Variants in ZNF99 observed in about 807,000 individuals in gnomAD.
The protein encoded by ZNF99 is zinc finger protein ENSP00000375192.
Under a neutral mutation model 12.8 loss-of-function variants are expected in ZNF99, and 8 were observed. The ratio of observed to expected loss-of-function variants is 0.62; its 90% CI spans 0.37 to 1.13. The LOEUF (loss-of-function observed/expected upper bound fraction) is 1.13. Ranked by LOEUF, ZNF99 falls within the 50% of genes most tolerant of loss-of-function variation. ZNF99 has a pLI of 0.02. For synonymous variants in ZNF99, 318 were observed against 319.0 expected (o/e 1.00, Z 0.03); for missense variants, 1,007 against 1,006.2 (o/e 1.00, Z -0.01).
In ZNF99 at chr19:22,753,626, G is replaced by A. The variant is rs1188161822; in HGVS notation, c.*3688C>T. 6.5e-6 allele frequency: 1 copy of A among 153,702 alleles called. No individual in the cohort carries two copies. The highest frequency in any genetic ancestry group is 1.4e-5 in the Non-Finnish European group (1 of 69,090). 9.5% of individuals were successfully genotyped at this position (153,702 alleles called of 1,614,324 possible). ...CTACAACCGTCTTTATATTTGTAAT[G>A]TTTGTCATCAAAAGAAATACTCTTC... On this transcript the variant is annotated 3_prime_UTR_variant, in exon 4 of 4. Transcript: ENST00000596209.
At chr19:22,766,829 T>G (rs527949603) in intron 3 of ZNF99, among the ~76,000 whole-genome samples, 1 of 151,634 alleles carries the variant, frequency 6.6e-6, no homozygotes, top group East Asian at 2.0e-4. Context: ...TTTTATATTT[T>G]TAGCAGACAT....
rs377294715 is a variant in ZNF99 at position 22,758,963 on chromosome 19, C to T, written c.946G>A (p.Glu316Lys). 62 of 1,613,452 alleles carry T rather than the reference C, an allele frequency of 3.8e-5. No homozygotes were observed. Among genetic ancestry groups the T allele is most frequent in the Admixed American group, 1.0e-4 (6 of 59,984 alleles). ...IHTGEKPYKC[E>K]ECGKAFNHFS... ...TGGTTAAAAGCTTTGCCACATTCTT[C>T]GCATTTGTAGGGTTTCTCTCCAGTA... Residue 316 changes from glutamate to lysine, a missense_variant, in exon 4 of 4, where the codon GAA becomes AAA. Physicochemically the swap from Glu to Lys is moderately conservative, Grantham distance 56. Coordinates refer to ENST00000596209, the MANE Select transcript of ZNF99 (RefSeq NM_001080409.3).
At chr19:22,783,114 T>C (rs765289380) in intron 1 of ZNF99, among the ~76,000 whole-genome samples, 8 of 151,984 alleles carry the variant, frequency 5.3e-5, no homozygotes, top group Admixed American at 6.6e-5. Flanking sequence ...ACCTCGTCTC[T>C]ACTAAAAACA....
chr19:22,775,151 A>C (rs1973312456), intron 1 of ZNF99, among the ~76,000 whole-genome samples: 1 of 152,234 alleles, frequency 6.6e-6, no homozygotes, highest in Admixed American at 6.5e-5. Context: ...ACATTACCTG[A>C]CTTCAAACTA....
chr19:22,775,038 T>C (rs951199828), intron 1 of ZNF99, among the ~76,000 whole-genome samples: 1 of 152,140 alleles, frequency 6.6e-6, no homozygotes, highest in African/African-American at 2.4e-5. Context: ...CAAAAACATT[T>C]TTAACAGAAC....
At chr19:22,764,015 T>A (rs1184071767) in intron 3 of ZNF99, among the ~76,000 whole-genome samples, 1 of 150,120 alleles carries the variant, frequency 6.7e-6, no homozygotes, top group Non-Finnish European at 1.5e-5. Context: ...TTCAAGCAAT[T>A]CTCCTGCCTC....
chr19:22,774,459 G>C (rs1973304026), intron 1 of ZNF99: 1 of 152,166 alleles, frequency 6.6e-6, no homozygotes, highest in Non-Finnish European at 1.5e-5. Flanking sequence ...TCATATACTG[G>C]AATATATTTA....
In ZNF99 at chr19:22,757,027, T is replaced by C. The variant is rs767678908; in HGVS notation, c.*287A>G. ...AGAAATTGCTAAAAGCTTTGCCACA[T>C]TCTTCACATTTGTACGATTTCTCCC... On this transcript the variant is annotated 3_prime_UTR_variant, in exon 4 of 4. Transcript: ENST00000596209. The C allele has an allele frequency of 6.2e-7, 1 of 1,613,176 alleles. No homozygotes were observed. The highest frequency in any genetic ancestry group is 8.5e-7 in the Non-Finnish European group (1 of 1,179,372).
At chr19:22,777,920 C>T (rs1403671620) in intron 1 of ZNF99, among the ~76,000 whole-genome samples, 3 of 148,822 alleles carry the variant, frequency 2.0e-5, no homozygotes, top group South Asian at 4.2e-4. Context: ...TGGAAAAAGG[C>T]GGTCTGTTCG....
intron 3 of ZNF99, among the ~76,000 whole-genome samples, chr19:22,764,153 C>T (rs756892625): frequency 5.3e-5 from 8 of 151,874 alleles, no homozygotes; most frequent in Non-Finnish European, 7.4e-5. Flanking sequence ...ATGATCCACC[C>T]GTCTCAGCCT....
At chr19:22,777,154 T>C (rs1185873925) in intron 1 of ZNF99, among the ~76,000 whole-genome samples, 1 of 151,936 alleles carries the variant, frequency 6.6e-6, no homozygotes, top group Non-Finnish European at 1.5e-5. Flanking sequence ...TTTCAAAAAA[T>C]AAAATAAAGT....
rs756500194 is a variant in ZNF99, at chr19:22,757,774, T to G, written c.2135A>C (p.Lys712Thr). 23 of 1,612,864 alleles carry G rather than the reference T, an allele frequency of 1.4e-5. No homozygotes were observed. Among genetic ancestry groups the G allele is most frequent in the Non-Finnish European group, 1.9e-5 (22 of 1,179,720 alleles). ...KKPYKCEECG[K>T]AFSQSSTLRK... ...AAGAGTTGAGGACTGGCTAAAAGCT[T>G]TGCCACATTCTTCACATTTGTAGGG... is the stretch of plus-strand genomic sequence containing the variant. Residue 712 changes from lysine (K) to threonine (T), a missense_variant, in exon 4 of 4, where the codon AAA becomes ACA. Lys to Thr is a moderately conservative substitution (Grantham distance 78). Coordinates refer to ENST00000596209, the MANE Select transcript of ZNF99 (RefSeq NM_001080409.3).
At chr19:22,759,737 C>T in intron 3 of ZNF99, 55 bp from the exon 4 acceptor site, 1 of 1,270,714 alleles carries the variant, frequency 7.9e-7, no homozygotes, top group Non-Finnish European at 1.0e-6. Context: ...GATGAATATA[C>T]TTTACAAATC....
chr19:22,769,461 TA>T, intron 1 of ZNF99, 137 bp from the exon 2 acceptor site: 1 of 1,000,506 alleles, frequency 1.0e-6, no homozygotes, highest in Non-Finnish European at 1.4e-6. Context: ...TTCAGTAAAA[TA>T]ATTTTCAACA....
In ZNF99 at chr19:22,784,091, C is replaced by A. The variant is rs573707374; in HGVS notation, c.-75G>T. The A allele has an allele frequency of 1.3e-5, 20 of 1,564,564 alleles. No individual in the cohort carries two copies. The highest frequency in any genetic ancestry group is 7.9e-5 in the South Asian group (7 of 89,024). ...CCTACAGGTCACAGGGCCACAGAGG[C>A]TAAGGACACAGAGCAGTAAAAACGA... On this transcript the variant is annotated 5_prime_UTR_variant, in exon 1 of 4. Coordinates refer to ENST00000596209, the MANE Select transcript of ZNF99 (RefSeq NM_001080409.3).
At chr19:22,764,533 C>A (rs1257222780) in intron 3 of ZNF99, among the ~76,000 whole-genome samples, 3 of 151,798 alleles carry the variant, frequency 2.0e-5, no homozygotes, top group Non-Finnish European at 2.9e-5. Context: ...AAAAGGAACA[C>A]CAGAGTGAAC....
intron 2 of ZNF99, 126 bp downstream of exon 2, chr19:22,769,072 G>A: frequency 1.0e-6 from 1 of 975,038 alleles, no homozygotes; most frequent in Non-Finnish European, 1.4e-6. Context: ...TCAAATCCCT[G>A]TTTTCAGAAA....
chr19:22,756,463 T>C lies in ZNF99; in HGVS notation c.*851A>G. 6.3e-7 allele frequency: 1 copy of C among 1,595,226 alleles called. No individual in the cohort carries two copies. The highest frequency in any genetic ancestry group is 1.1e-5 in the South Asian group (1 of 90,782). The stretch of plus-strand genomic sequence containing the variant: ...ACACTCTTCACATTTGTAGGGTTTC[T>C]TTCCAGTATGAATTATCCTATGTTT... On this transcript the variant is annotated 3_prime_UTR_variant, in exon 4 of 4. Coordinates refer to ENST00000596209, the MANE Select transcript of ZNF99 (RefSeq NM_001080409.3).
At chr19:22,770,075 C>CT in intron 1 of ZNF99, 2 of 1,168,978 alleles carry the variant, frequency 1.7e-6, no homozygotes, top group South Asian at 3.4e-5. Flanking sequence ...GGAATAAAGT[C>CT]TGAGTTTCTG....
Sources: allele counts gnomAD v4.1 joint callset (sites outside exome capture counted in the v4.1 genomes callset), GRCh38; gene constraint gnomAD v4.1.1; transcripts MANE v1.5; gene names NCBI Gene and HGNC (gene_info 2026-07-23, HGNC 2026-07-21).